Variants in SPOCK3 observed in about 807,000 individuals in gnomAD.
SPOCK3 encodes the protein SPARC (osteonectin), cwcv and kazal like domains proteoglycan 3, also known as testican-3.
SPOCK3 carries 30 observed loss-of-function variants against 56.6 expected under a neutral mutation model. That is an observed-to-expected ratio of 0.53 (90% CI 0.40 to 0.72). SPOCK3 has a LOEUF of 0.72. SPOCK3 is among the 30% of genes least tolerant of loss of function. SPOCK3 has a pLI of 0.00. For missense variants in SPOCK3, 527 were observed against 530.0 expected (o/e 0.99, Z 0.06); for synonymous variants, 196 against 183.3 (o/e 1.07, Z -0.56).
At chr4:167,013,429 G>A (rs1263274859) in intron 3 of SPOCK3, among the ~76,000 whole-genome samples, 1 of 151,222 alleles carries the variant, frequency 6.6e-6, no homozygotes, top group African/African-American at 2.4e-5. Flanking sequence ...TAAAATAAAT[G>A]CTAATAGGAT....
intron 4 of SPOCK3, among the ~76,000 whole-genome samples, chr4:166,948,078 C>T (rs1742005944): frequency 6.6e-6 from 1 of 152,156 alleles, no homozygotes; most frequent in African/African-American, 2.4e-5. Context: ...ATGGGCTCAA[C>T]TTTTTAAAAG....
At chr4:167,034,853 ATAAAAG>A (rs1364351720) in intron 3 of SPOCK3, among the ~76,000 whole-genome samples, 1 of 152,212 alleles carries the variant, frequency 6.6e-6, no homozygotes, top group Non-Finnish European at 1.5e-5. Context: ...GTACATAAAT[ATAAAAG>A]TAATTTATCT....
At chr4:167,078,747 T>G (rs1757440411) in intron 2 of SPOCK3, among the ~76,000 whole-genome samples, 1 of 151,800 alleles carries the variant, frequency 6.6e-6, no homozygotes, top group African/African-American at 2.4e-5. Flanking sequence ...ATATTTAATT[T>G]TATTATTTAA....
chr4:166,769,206 C>T (rs1738575549), intron 7 of SPOCK3, among the ~76,000 whole-genome samples: 1 of 152,208 alleles, frequency 6.6e-6, no homozygotes, highest in Non-Finnish European at 1.5e-5. Flanking sequence ...TATTCGCTGT[C>T]CAGCTGTCTT....
chr4:166,978,896 T>C (rs1746272396), intron 4 of SPOCK3, among the ~76,000 whole-genome samples: 1 of 152,210 alleles, frequency 6.6e-6, no homozygotes, highest in Non-Finnish European at 1.5e-5. Flanking sequence ...AAAACATTTT[T>C]ATTTCCAGAA....
intron 2 of SPOCK3, among the ~76,000 whole-genome samples, chr4:167,109,395 ATATTTATATATAAATATAT>A (rs1330377925): frequency 4.6e-5 from 4 of 87,226 alleles, no homozygotes; most frequent in East Asian, 6.4e-4. Context: ...ATATAAATAT[ATATTTATATATAAATATAT>A]ATATAAATAT....
chr4:167,109,520 T>A (rs964918881), intron 2 of SPOCK3, among the ~76,000 whole-genome samples: 1 of 126,402 alleles, frequency 7.9e-6, no homozygotes, highest in Non-Finnish European at 1.6e-5. Context: ...ATATAATATT[T>A]ATATATTTTA....
intron 3 of SPOCK3, among the ~76,000 whole-genome samples, chr4:167,025,963 A>G (rs965815542): frequency 9.2e-5 from 14 of 152,202 alleles, no homozygotes; most frequent in South Asian, 2.1e-4. Flanking sequence ...TGAACACTGT[A>G]GGCCCTTGTA....
chr4:167,088,389 C>T (rs890585699), intron 2 of SPOCK3, among the ~76,000 whole-genome samples: 1 of 151,884 alleles, frequency 6.6e-6, no homozygotes, highest in South Asian at 2.1e-4. Context: ...GCAAGGCCAC[C>T]AGTCTTGAAT....
chr4:167,089,215 TA>T (rs1402156446), intron 2 of SPOCK3, among the ~76,000 whole-genome samples: 1 of 151,928 alleles, frequency 6.6e-6, no homozygotes, highest in African/African-American at 2.4e-5. Flanking sequence ...CAACTGTTAA[TA>T]AAAAAACAAC....
At chr4:166,767,858 C>T (rs9684835) in intron 7 of SPOCK3, among the ~76,000 whole-genome samples, 50,219 of 151,624 alleles carry the variant, frequency 0.33, 8,479 homozygotes, top group Admixed American at 0.42. Flanking sequence ...ATTTGCTTTA[C>T]GAATCTGGAT....
At chr4:167,165,369 A>T (rs755092562) in intron 2 of SPOCK3, among the ~76,000 whole-genome samples, 4 of 152,048 alleles carry the variant, frequency 2.6e-5, no homozygotes, top group Non-Finnish European at 5.9e-5. Flanking sequence ...GTACAAGAAA[A>T]AAACAACCCC....
chr4:167,186,174 T>C (rs1731937756), intron 2 of SPOCK3, among the ~76,000 whole-genome samples: 1 of 152,162 alleles, frequency 6.6e-6, no homozygotes, highest in Non-Finnish European at 1.5e-5. Flanking sequence ...AATTATAAAA[T>C]ATTATACCTG....
chr4:166,816,304 G>A (rs539141779), intron 6 of SPOCK3, among the ~76,000 whole-genome samples: 1 of 152,022 alleles, frequency 6.6e-6, no homozygotes, highest in Non-Finnish European at 1.5e-5. Context: ...GTATATGTAT[G>A]TAATTTTTAG....
intron 2 of SPOCK3, among the ~76,000 whole-genome samples, chr4:167,106,655 G>GA (rs1205192266): frequency 2.8e-5 from 4 of 143,770 alleles, no homozygotes; most frequent in South Asian, 4.3e-4. Flanking sequence ...GATTAAAGCA[G>GA]AAAAAATGAA....
chr4:167,107,307 A>G (rs1419886017), intron 2 of SPOCK3, among the ~76,000 whole-genome samples: 6 of 151,922 alleles, frequency 3.9e-5, no homozygotes, highest in African/African-American at 1.4e-4. Flanking sequence ...ATTAGTCATG[A>G]CCAAGTGGGA....
intron 3 of SPOCK3, among the ~76,000 whole-genome samples, chr4:167,015,094 A>T (rs1267191398): frequency 6.6e-6 from 1 of 152,072 alleles, no homozygotes; most frequent in Non-Finnish European, 1.5e-5. Context: ...AGATAGTATA[A>T]TTCAGTTCTA....
At chr4:166,912,319 A>G in intron 5 of SPOCK3, among the ~76,000 whole-genome samples, 1 of 152,192 alleles carries the variant, frequency 6.6e-6, no homozygotes, top group Non-Finnish European at 1.5e-5. Context: ...TTAAAATAAT[A>G]TTGATCACTA....
At chr4:167,076,146 G>C (rs1209228027) in intron 2 of SPOCK3, among the ~76,000 whole-genome samples, 3 of 151,920 alleles carry the variant, frequency 2.0e-5, no homozygotes, top group Non-Finnish European at 4.4e-5. Context: ...GGGTTTGGGT[G>C]GGGAGAAGAA....
Sources: gnomAD v4.1 joint callset for allele counts (sites outside exome capture counted in the v4.1 genomes callset) on GRCh38, gnomAD v4.1.1 for gene constraint, MANE v1.5 for transcripts, NCBI Gene and HGNC (gene_info 2026-07-23, HGNC 2026-07-21) for gene names.